The following TRIO variants were observed in gnomAD, a reference collection of about 807,000 sequenced individuals.
TRIO encodes the protein trio Rho guanine nucleotide exchange factor.
Under a neutral mutation model 351.9 loss-of-function variants are expected in TRIO, and 58 were observed. The observed-to-expected ratio is 0.16, with a 90% CI of 0.13 to 0.21. The LOEUF (loss-of-function observed/expected upper bound fraction) is 0.21, where lower values mean the gene tolerates loss of function less well. TRIO is among the 10% of genes least tolerant of loss of function. TRIO has a pLI of 1.00. For missense variants in TRIO, 3,201 were observed against 4,027.8 expected (o/e 0.79, Z 5.56); for synonymous variants, 1,758 against 1,595.7 (o/e 1.10, Z -2.42).
intron 1 of TRIO, among the ~76,000 whole-genome samples, chr5:14,247,929 A>G (rs920272336): frequency 1.3e-5 from 2 of 152,156 alleles, no homozygotes; most frequent in Admixed American, 1.3e-4. Flanking sequence ...AGCTGGGCAC[A>G]GTGGCTTGTG....
intron 24 of TRIO, 130 bp downstream of exon 24, chr5:14,388,809 G>C: frequency 9.3e-7 from 1 of 1,071,772 alleles, no homozygotes; most frequent in South Asian, 1.7e-5. Context: ...TAAATGTAAA[G>C]TATGCTTCAG....
At chr5:14,443,153 G>A (rs1244663509) in intron 34 of TRIO, among the ~76,000 whole-genome samples, 1 of 151,938 alleles carries the variant, frequency 6.6e-6, no homozygotes, top group South Asian at 2.1e-4. Flanking sequence ...ATTTTTGTTG[G>A]TAATTCTTAA....
At chr5:14,262,482 C>G (rs899588210) in intron 1 of TRIO, among the ~76,000 whole-genome samples, 2 of 151,864 alleles carry the variant, frequency 1.3e-5, no homozygotes, top group East Asian at 3.8e-4. Flanking sequence ...ACTGTAGTTG[C>G]GGGCACCAAG....
Position 14,350,621 on chromosome 5 carries a change from G to A in TRIO, c.2047-7557G>A, listed in dbSNP as rs58253632. On this transcript the variant is annotated intron_variant, in intron 11 of 56. Coordinates refer to ENST00000344204, the MANE Select transcript of TRIO (RefSeq NM_007118.4). The stretch of plus-strand genomic sequence containing the variant: ...TACCCTCTGGTGCTGGAGTGTCCAC[G>A]CACTGTCCCATCTTAACGTGCATAG... 6.4e-3 allele frequency among the ~76,000 whole-genome samples: 968 copies of A among 152,216 alleles called. 9 individuals are homozygous for A. Among genetic ancestry groups the A allele is most frequent in the African/African-American group, 0.022 (919 of 41,510 alleles).
chr5:14,181,254 A>G (rs1789749095), intron 1 of TRIO, among the ~76,000 whole-genome samples: 1 of 152,200 alleles, frequency 6.6e-6, no homozygotes, highest in Admixed American at 6.5e-5. Context: ...AGTGTATTAG[A>G]GAACCATGAA....
At chr5:14,367,137 T>G (rs1744671191) in intron 16 of TRIO, among the ~76,000 whole-genome samples, 158 bp downstream of exon 16, 2 of 152,022 alleles carry the variant, frequency 1.3e-5, no homozygotes, top group Non-Finnish European at 2.9e-5. Flanking sequence ...AGTCTGCAGC[T>G]GATTACAGGA....
intron 8 of TRIO, among the ~76,000 whole-genome samples, chr5:14,308,245 C>G (rs1396232358): frequency 6.6e-6 from 1 of 152,182 alleles, no homozygotes; most frequent in Admixed American, 6.5e-5. Context: ...ATCCGTCTAT[C>G]TCTGCATCCA....
chr5:14,295,698 G>A (rs1285319856), intron 6 of TRIO, among the ~76,000 whole-genome samples: 1 of 152,216 alleles, frequency 6.6e-6, no homozygotes, highest in East Asian at 1.9e-4. Flanking sequence ...GGAAAAGAGA[G>A]AAAGAATGCA....
intron 33 of TRIO, among the ~76,000 whole-genome samples, chr5:14,418,216 C>CA (rs1749802156): frequency 6.6e-6 from 1 of 152,086 alleles, no homozygotes. Flanking sequence ...CAGGACCCCT[C>CA]AGGAGGAGGA....
chr5:14,384,856 T>C (rs1248130486), intron 21 of TRIO, among the ~76,000 whole-genome samples: 4 of 141,190 alleles, frequency 2.8e-5, no homozygotes, highest in Non-Finnish European at 6.3e-5. Flanking sequence ...AGAGAAGATA[T>C]ATAGGCAGCT....
At chr5:14,261,876 T>C (rs1397330745) in intron 1 of TRIO, among the ~76,000 whole-genome samples, 1 of 152,250 alleles carries the variant, frequency 6.6e-6, no homozygotes, top group Non-Finnish European at 1.5e-5. Context: ...TGATTATATG[T>C]AAATGTGATT....
At position 14,357,864 on chromosome 5, in the gene TRIO, C is replaced by T. The variant is rs528697004; in HGVS notation, c.2047-314C>T. Among the ~76,000 whole-genome samples, 132 of 152,290 alleles carry T rather than the reference C, an allele frequency of 8.7e-4. 5 individuals carry two copies. In the South Asian group the frequency reaches 0.025, roughly 29 times the overall value. ...TTCCACTGCAGTCTGGATTGAGCCT[C>T]GGGAGAATGGGAAAGAGCAGCTTCC... On this transcript the variant is annotated intron_variant, in intron 11 of 56. Transcript: ENST00000344204.
At chr5:14,479,588 T>G (rs1755361979) in intron 42 of TRIO, among the ~76,000 whole-genome samples, 1 of 152,176 alleles carries the variant, frequency 6.6e-6, no homozygotes, top group Non-Finnish European at 1.5e-5. Context: ...TAAGAGTTTT[T>G]AATAAGTGTT....
At chr5:14,405,775 A>G in intron 31 of TRIO, 73 bp from the exon 32 acceptor site, 1 of 1,481,230 alleles carries the variant, frequency 6.8e-7, no homozygotes, top group South Asian at 1.5e-5. Flanking sequence ...GAATGCAGGA[A>G]ACCTGGGTGT....
intron 34 of TRIO, among the ~76,000 whole-genome samples, chr5:14,437,267 A>T (rs984094045): frequency 6.6e-6 from 1 of 152,180 alleles, no homozygotes; most frequent in Non-Finnish European, 1.5e-5. Flanking sequence ...TTGCTAACCC[A>T]TACTCATGGA....
intron 1 of TRIO, among the ~76,000 whole-genome samples, chr5:14,251,335 C>G (rs749307355): frequency 1.3e-5 from 2 of 152,234 alleles, no homozygotes; most frequent in Non-Finnish European, 2.9e-5. Context: ...AACTGTGTCC[C>G]TACTGATTTT....
chr5:14,468,312 G>A (rs998969863), intron 37 of TRIO, among the ~76,000 whole-genome samples: 1 of 152,252 alleles, frequency 6.6e-6, no homozygotes, highest in African/African-American at 2.4e-5. Flanking sequence ...AGGTTTTGGA[G>A]TCAGATAGAC....
At chr5:14,422,142 C>G (rs1270089903) in intron 34 of TRIO, among the ~76,000 whole-genome samples, 5 of 152,188 alleles carry the variant, frequency 3.3e-5, no homozygotes, top group Non-Finnish European at 7.3e-5. Context: ...TAAACATGGC[C>G]CCTCTTTGCA....
chr5:14,369,355 A>G lies in TRIO; in HGVS notation c.3067-19A>G. On this transcript the variant is annotated intron_variant, in intron 17 of 56. Coordinates refer to ENST00000344204, the MANE Select transcript of TRIO (RefSeq NM_007118.4). ...GTGGCAGATGCCAAGTCTGAGCCTC[A>G]AACTTTTCCTGCTCACAGGTCTGCA... The G allele has an allele frequency of 1.3e-6, 2 of 1,588,714 alleles. No individual in the cohort carries two copies. Among genetic ancestry groups the G allele is most frequent in the Non-Finnish European group, 8.6e-7 (1 of 1,165,186 alleles).
Sources: allele counts gnomAD v4.1 joint callset (sites outside exome capture counted in the v4.1 genomes callset), GRCh38; gene constraint gnomAD v4.1.1; transcripts MANE v1.5; gene names NCBI Gene and HGNC (gene_info 2026-07-23, HGNC 2026-07-21).